Variants in CELF2 observed in about 807,000 individuals in gnomAD.
CELF2 encodes the protein CUGBP Elav-like family member 2.
A neutral mutation model predicts 62.6 loss-of-function variants in CELF2; 8 were observed. The ratio of observed to expected loss-of-function variants is 0.13; its 90% CI spans 0.07 to 0.23. The LOEUF is 0.23. Ranked by LOEUF, CELF2 falls within the 10% of genes least tolerant of loss-of-function variation. The pLI, the probability that CELF2 is intolerant of heterozygous loss-of-function variation, is 1.00. For synonymous variants in CELF2, 258 were observed against 250.0 expected, an observed-to-expected ratio of 1.03 and a Z score of -0.30; for missense variants, 333 against 671.0, an observed-to-expected ratio of 0.50 and a Z score of 5.56.
At chr10:11,288,302 G>C in intron 8 of CELF2, 116 bp from the exon 9 acceptor site, 1 of 1,326,226 alleles carries the variant, frequency 7.5e-7, no homozygotes, top group South Asian at 1.4e-5. Context: ...AGGTGACCTT[G>C]CACAGGGTCG....
intron 2 of CELF2, among the ~76,000 whole-genome samples, chr10:10,987,384 T>C (rs2052894603): frequency 6.6e-6 from 1 of 152,148 alleles, no homozygotes; most frequent in Non-Finnish European, 1.5e-5. Context: ...AAGGCGTATA[T>C]ATACACACAC....
At chr10:10,631,527 G>A in the CELF2 span, among the ~76,000 whole-genome samples, 7 of 152,166 alleles carry the variant, frequency 4.6e-5, no homozygotes, top group Non-Finnish European at 8.8e-5. Flanking sequence ...GTTGAGAAAT[G>A]ACTTAAAACT....
chr10:10,483,601 C>T, the CELF2 span, among the ~76,000 whole-genome samples: 1 of 152,244 alleles, frequency 6.6e-6, no homozygotes, highest in African/African-American at 2.4e-5. Flanking sequence ...AGATTGCTGT[C>T]TGTGTCTTTA....
chr10:10,607,261 A>C, the CELF2 span, among the ~76,000 whole-genome samples: 1 of 152,178 alleles, frequency 6.6e-6, no homozygotes, highest in South Asian at 2.1e-4. Flanking sequence ...TTTGTTCAGG[A>C]ATTTCATTTT....
At chr10:10,806,967 C>A (rs1440947238) in intron 1 of CELF2, among the ~76,000 whole-genome samples, 3 of 152,176 alleles carry the variant, frequency 2.0e-5, no homozygotes, top group Non-Finnish European at 4.4e-5. Flanking sequence ...ACGGTTACCC[C>A]CCTTTTTGAT....
Position 11,285,879 on chromosome 10 carries a change from T to G in CELF2, c.842-2539T>G, listed in dbSNP as rs1875593. On this transcript the variant is annotated intron_variant, in intron 8 of 12. Transcript: ENST00000633077. This position sits in a 1 kb window ranked among gnomAD's most constrained non-coding sequence, Gnocchi z 4.3. ...TGTGTGTGTGTGTGTGTGTGTGTGT[T>G]TTTACATGGACTTGAAAATGAGTAA... 0.1 allele frequency among the ~76,000 whole-genome samples: 10,955 copies of G among 107,696 alleles called. 539 individuals carry two copies. Among genetic ancestry groups the G allele is most frequent in the African/African-American group, 0.12 (2,410 of 19,510 alleles). 70.7% of individuals were successfully genotyped at this position (107,696 alleles called of 152,430 possible). A position where few individuals can be genotyped will look rare whatever the true frequency, so the allele number is the denominator to read the frequency against.
At chr10:10,759,839 A>G in the CELF2 span, among the ~76,000 whole-genome samples, 280 of 152,260 alleles carry the variant, frequency 1.8e-3, 2 homozygotes, top group South Asian at 0.012. Flanking sequence ...AAGACAAATT[A>G]TATTCTTGAA....
the CELF2 span, among the ~76,000 whole-genome samples, chr10:10,677,614 G>C: frequency 3.5e-4 from 54 of 152,304 alleles, no homozygotes; most frequent in Non-Finnish European, 6.2e-4. Flanking sequence ...GTTAAGATTT[G>C]AGATCCTCCA....
At chr10:10,981,024 A>G (rs2052030170) in intron 2 of CELF2, among the ~76,000 whole-genome samples, 1 of 152,156 alleles carries the variant, frequency 6.6e-6, no homozygotes, top group South Asian at 2.1e-4. Context: ...AAAATCCTGA[A>G]CTGCTAGTGC....
rs1436786599 is a variant in CELF2 at position 10,975,838 on chromosome 10, G to A, written c.89+55839G>A. On this transcript the variant is annotated intron_variant, in intron 2 of 13. Transcript: ENST00000636488. The stretch of plus-strand genomic sequence containing the variant: ...TGAGAGAGCAATCTTTTGTTGAACA[G>A]TGCTGCTCCTTGCAGAGCACAGCTG... Among the ~76,000 whole-genome samples, 15 of 152,354 alleles carry A rather than the reference G, an allele frequency of 9.8e-5. No individual in the cohort carries two copies. The South Asian group carries it at 2.9e-3, about 29-fold the overall frequency.
intron 11 of CELF2, among the ~76,000 whole-genome samples, chr10:11,323,951 A>C (rs1433492188): frequency 4.0e-5 from 6 of 151,704 alleles, no homozygotes; most frequent in East Asian, 3.9e-4. Context: ...AATATTAAAA[A>C]CTCGGGGGAT....
chr10:11,183,500 C>T (rs915079275), intron 2 of CELF2, among the ~76,000 whole-genome samples: 6 of 152,200 alleles, frequency 3.9e-5, no homozygotes, highest in Non-Finnish European at 5.9e-5. Context: ...AGGTTTATAT[C>T]GAACTTCTTA....
chr10:11,055,776 T>C (rs1169871152), intron 1 of CELF2, among the ~76,000 whole-genome samples: 1 of 152,226 alleles, frequency 6.6e-6, no homozygotes, highest in African/African-American at 2.4e-5. Context: ...TTGAAAGCTC[T>C]TACATGTGAG....
intron 1 of CELF2, chr10:11,092,404 G>A (rs1447414682): frequency 2.6e-5 from 4 of 152,178 alleles, no homozygotes; most frequent in African/African-American, 9.7e-5. Flanking sequence ...CACTGTAGGG[G>A]AGAAAACATT....
At chr10:10,641,709 A>G in the CELF2 span, among the ~76,000 whole-genome samples, 3 of 152,144 alleles carry the variant, frequency 2.0e-5, no homozygotes, top group African/African-American at 4.8e-5. Flanking sequence ...TCGGCCTCCC[A>G]AAGTGCTGGG....
chr10:11,056,912 A>G (rs1360544188), intron 1 of CELF2, among the ~76,000 whole-genome samples: 1 of 152,248 alleles, frequency 6.6e-6, no homozygotes. Flanking sequence ...GGCAAGGCCC[A>G]CAGGAGGAAA....
intron 1 of CELF2, among the ~76,000 whole-genome samples, chr10:10,910,957 T>C (rs2063761230): frequency 1.3e-5 from 2 of 152,200 alleles, no homozygotes; most frequent in African/African-American, 2.4e-5. Context: ...AGTCAGGTAC[T>C]TAGCGGCTCA....
At chr10:11,049,999 C>T (rs2139994587) in intron 1 of CELF2, among the ~76,000 whole-genome samples, 1 of 152,332 alleles carries the variant, frequency 6.6e-6, no homozygotes. Context: ...CACATGCCAC[C>T]TGTGGCCTGT....
chr10:10,904,302 C>G (rs1410598972), intron 1 of CELF2, among the ~76,000 whole-genome samples: 1 of 151,946 alleles, frequency 6.6e-6, no homozygotes, highest in Non-Finnish European at 1.5e-5. Context: ...TCATAGCTCC[C>G]TGAAGCCTGG....
Sources: allele counts gnomAD v4.1 joint callset (sites outside exome capture counted in the v4.1 genomes callset), GRCh38; gene constraint gnomAD v4.1.1; non-coding constraint Gnocchi (gnomAD v3.1); transcripts MANE v1.5; gene names NCBI Gene and HGNC (gene_info 2026-07-23, HGNC 2026-07-21).